PCSK5: variants seen among roughly 807,000 people sequenced by gnomAD.
PCSK5 encodes the protein proprotein convertase subtilisin/kexin type 5.
PCSK5 carries 129 observed loss-of-function variants against 233.2 expected under a neutral mutation model. The ratio of observed to expected loss-of-function variants is 0.55; its 90% CI spans 0.48 to 0.64. PCSK5 has a LOEUF of 0.64. Among genes scored for constraint, PCSK5 ranks in the 30% least tolerant of loss-of-function variants. The pLI is 0.00. For synonymous variants in PCSK5, 825 were observed against 879.2 expected (o/e 0.94, Z 1.09); for missense variants, 2,076 against 2,430.1 (o/e 0.85, Z 3.06).
intron 5 of PCSK5, among the ~76,000 whole-genome samples, chr9:76,031,518 T>C (rs916112357): frequency 3.3e-5 from 5 of 152,102 alleles, no homozygotes; most frequent in African/African-American, 1.2e-4. Flanking sequence ...GGAGACCCTG[T>C]TTCTACTAAA....
intron 1 of PCSK5, among the ~76,000 whole-genome samples, chr9:75,905,858 T>A (rs1826245065): frequency 6.6e-6 from 1 of 152,146 alleles, no homozygotes; most frequent in African/African-American, 2.4e-5. Flanking sequence ...CCCCCTCCCC[T>A]GTCCATGGAA....
At chr9:76,237,615 A>C (rs1231873766) in intron 22 of PCSK5, among the ~76,000 whole-genome samples, 1 of 125,038 alleles carries the variant, frequency 8.0e-6, no homozygotes, top group African/African-American at 2.9e-5. Context: ...AAAACATACA[A>C]AAAAAAAAAA....
At chr9:75,971,554 T>C (rs1299524908) in intron 2 of PCSK5, among the ~76,000 whole-genome samples, 2 of 152,220 alleles carry the variant, frequency 1.3e-5, no homozygotes, top group Non-Finnish European at 2.9e-5. Context: ...CCACCAACAC[T>C]GCAAAAGTGT....
intron 5 of PCSK5, among the ~76,000 whole-genome samples, chr9:76,034,745 T>C (rs1828787347): frequency 6.6e-6 from 1 of 152,140 alleles, no homozygotes; most frequent in Non-Finnish European, 1.5e-5. Flanking sequence ...CTAGATGGGG[T>C]CACATTTGCC....
chr9:76,273,350 C>A lies in PCSK5; in HGVS notation c.3143-18883C>A, dbSNP rs543546598. ...CATTGTGATATCTTTCTACTTGCTTCATTCCCCCTGACTCTGAGCTAAGTA... is the reference window on the plus strand; with the variant it reads ...CATTGTGATATCTTTCTACTTGCTTAATTCCCCCTGACTCTGAGCTAAGTA... On this transcript the variant is annotated intron_variant, in intron 24 of 37. Coordinates refer to ENST00000674117, the MANE Select transcript of PCSK5 (RefSeq NM_001372043.1). Among the ~76,000 whole-genome samples, 5 of 152,108 alleles carry A rather than the reference C, an allele frequency of 3.3e-5. No individual in the cohort carries two copies. In the South Asian group the frequency reaches 8.3e-4, roughly 25 times the overall value.
At chr9:76,069,650 A>C (rs992504723) in intron 6 of PCSK5, among the ~76,000 whole-genome samples, 1 of 152,138 alleles carries the variant, frequency 6.6e-6, no homozygotes, top group African/African-American at 2.4e-5. Context: ...AATGAACATC[A>C]CCCTCTAAGT....
intron 24 of PCSK5, among the ~76,000 whole-genome samples, chr9:76,249,464 G>GTATTTT (rs1184851732): frequency 1.3e-5 from 2 of 152,166 alleles, no homozygotes; most frequent in Admixed American, 6.5e-5. Flanking sequence ...AAATGCAGAA[G>GTATTTT]TATTTTTATT....
intron 7 of PCSK5, among the ~76,000 whole-genome samples, chr9:76,076,718 C>T (rs1357819465): frequency 1.3e-5 from 2 of 152,160 alleles, no homozygotes; most frequent in Admixed American, 1.3e-4. Context: ...ATACTGTTTT[C>T]AGAGACTTTA....
At chr9:76,102,255 C>T (rs76383474) in intron 8 of PCSK5, among the ~76,000 whole-genome samples, 8,391 of 152,106 alleles carry the variant, frequency 0.055, 252 homozygotes, top group South Asian at 0.078. Context: ...AGCTGTTTGT[C>T]CTTGGGCAAG....
In PCSK5 at chr9:76,354,030, C is replaced by A. The variant is rs756713876; in HGVS notation, c.5068-3C>A. The A allele has an allele frequency of 1.2e-6, 2 of 1,604,300 alleles. No individual in the cohort carries two copies. Among genetic ancestry groups the A allele is most frequent in the African/African-American group, 1.3e-5 (1 of 74,810 alleles). Reference sequence around the variant, plus strand: ...AAAGGAACCTCTTGATTGCTCTTAACAGGGAGAGAAGTTTAACTGTGAAAA... The same window carrying A: ...AAAGGAACCTCTTGATTGCTCTTAAAAGGGAGAGAAGTTTAACTGTGAAAA... On this transcript the variant is annotated splice_polypyrimidine_tract_variant and splice_region_variant and intron_variant, in intron 36 of 37. Transcript: ENST00000674117.
Position 76,295,261 on chromosome 9 carries a change from T to C in PCSK5, c.3186-14T>C. On this transcript the variant is annotated splice_polypyrimidine_tract_variant and intron_variant, in intron 25 of 37. Transcript: ENST00000674117. ...AACATAAGTCATGAAAGAAATGATG[T>C]CTTCTTCCTCTAGGTTTGATCACCA... 6.2e-7 allele frequency: 1 copy of C among 1,602,676 alleles called. No homozygotes were observed. The highest frequency in any genetic ancestry group is 2.2e-5 in the East Asian group (1 of 44,794).
intron 9 of PCSK5, among the ~76,000 whole-genome samples, chr9:76,127,527 A>G (rs1264775134): frequency 6.6e-6 from 1 of 152,234 alleles, no homozygotes; most frequent in African/African-American, 2.4e-5. Flanking sequence ...TCTTTTTGAC[A>G]AATCTTAGTA....
At chr9:76,192,587 A>G (rs1464806934) in intron 20 of PCSK5, among the ~76,000 whole-genome samples, 2 of 151,972 alleles carry the variant, frequency 1.3e-5, no homozygotes, top group African/African-American at 4.8e-5. Flanking sequence ...AGTTAGGCAC[A>G]TGACTACTTC....
chr9:75,954,020 G>A (rs1183046109), intron 2 of PCSK5, among the ~76,000 whole-genome samples: 1 of 152,162 alleles, frequency 6.6e-6, no homozygotes, highest in Non-Finnish European at 1.5e-5. Flanking sequence ...ATTCACACTG[G>A]AAGGTGTTAA....
intron 3 of PCSK5, among the ~76,000 whole-genome samples, chr9:76,021,961 G>A (rs926840276): frequency 7.9e-5 from 12 of 152,164 alleles, no homozygotes; most frequent in South Asian, 2.1e-4. Flanking sequence ...TCTTTGATAC[G>A]CTGAACTCTT....
chr9:75,899,030 A>T (rs1825918564), intron 1 of PCSK5, among the ~76,000 whole-genome samples: 1 of 152,242 alleles, frequency 6.6e-6, no homozygotes, highest in Non-Finnish European at 1.5e-5. Context: ...GTTGGCAATG[A>T]TTATTGGTAA....
chr9:76,023,736 A>G lies in PCSK5; in HGVS notation c.412-2A>G. ...TCTTGCAGCATGCTCTTCTTCTTTCAGCACTGCAGTGACAATACACATCCC... is the reference window on the plus strand; with the variant it reads ...TCTTGCAGCATGCTCTTCTTCTTTCGGCACTGCAGTGACAATACACATCCC... On this transcript the variant is annotated splice_acceptor_variant, in intron 3 of 37. Transcript: ENST00000674117. LOFTEE classifies it high-confidence loss of function. The G allele has an allele frequency of 6.2e-7, 1 of 1,601,682 alleles. No homozygotes were observed. The highest frequency in any genetic ancestry group is 8.5e-7 in the Non-Finnish European group (1 of 1,175,252).
intron 1 of PCSK5, among the ~76,000 whole-genome samples, chr9:75,901,351 C>T (rs1826024205): frequency 6.6e-6 from 1 of 152,130 alleles, no homozygotes; most frequent in African/African-American, 2.4e-5. Context: ...AGCCATCATT[C>T]TCAGCAAAGT....
At chr9:75,941,744 C>G (rs933551573) in intron 2 of PCSK5, among the ~76,000 whole-genome samples, 1 of 152,124 alleles carries the variant, frequency 6.6e-6, no homozygotes, top group South Asian at 2.1e-4. Context: ...TATGGTGACA[C>G]GATGATTAGG....
Sources: allele counts gnomAD v4.1 joint callset (sites outside exome capture counted in the v4.1 genomes callset), GRCh38; gene constraint gnomAD v4.1.1; transcripts MANE v1.5; gene names NCBI Gene and HGNC (gene_info 2026-07-23, HGNC 2026-07-21).